The following ARHGEF18 variants were observed in gnomAD, a reference collection of about 807,000 sequenced individuals.
The protein encoded by ARHGEF18 is Rho/Rac guanine nucleotide exchange factor 18.
Under a neutral mutation model 155.7 loss-of-function variants are expected in ARHGEF18, and 93 were observed. The ratio of observed to expected loss-of-function variants is 0.60; its 90% confidence interval spans 0.50 to 0.71. The LOEUF is 0.71. Among genes scored for constraint, ARHGEF18 ranks in the 30% least tolerant of loss-of-function variants. The pLI is 0.00. For missense variants in ARHGEF18, 1,593 were observed against 1,816.1 expected, an observed-to-expected ratio of 0.88 and a Z score of 2.23; for synonymous variants, 742 against 753.1, an observed-to-expected ratio of 0.99 and a Z score of 0.24.
chr19:7,376,797 G>T, intron 5 of ARHGEF18, 40 bp downstream of exon 5: 1 of 1,206,120 alleles, frequency 8.3e-7, no homozygotes, highest in South Asian at 4.2e-5. Flanking sequence ...AACCAAGTCA[G>T]GGAAAGAGGA....
chr19:7,463,565 G>A lies in ARHGEF18; in HGVS notation c.2636-253G>A, dbSNP rs1465760910. On this transcript the variant is annotated intron_variant, in intron 21 of 28. Transcript: ENST00000668164. This position sits in a 1 kb window ranked among gnomAD's most constrained non-coding sequence, Gnocchi z 5.2. ...GAAGGAGCTGCAGGAGCCTGTACCC[G>A]CCCTCCCCATGGCTGCCCCACAGCC... 2.0e-5 allele frequency among the ~76,000 whole-genome samples: 3 copies of A among 152,150 alleles called. No homozygotes were observed. The highest frequency in any genetic ancestry group is 1.9e-4 in the East Asian group (1 of 5,184).
In ARHGEF18 at chr19:7,456,309, T is replaced by C; in HGVS notation, c.2105-18T>C. The C allele has an allele frequency of 6.2e-7, 1 of 1,613,700 alleles. No homozygotes were observed. The highest frequency in any genetic ancestry group is 8.5e-7 in the Non-Finnish European group (1 of 1,179,594). On this transcript the variant is annotated intron_variant, in intron 17 of 28. Coordinates refer to ENST00000668164, the MANE Select transcript of ARHGEF18 (RefSeq NM_001367823.1). ...CTATGGGACTTTTAAGATGCATCCT[T>C]CCATGCTGTTTTCCCAGATATCCTG...
At chr19:7,396,587 C>A (rs555291788) in intron 10 of ARHGEF18, among the ~76,000 whole-genome samples, 1 of 151,896 alleles carries the variant, frequency 6.6e-6, no homozygotes, top group Non-Finnish European at 1.5e-5. Context: ...TGGTAGCGGG[C>A]GCCTGTAGTT....
intron 1 of ARHGEF18, among the ~76,000 whole-genome samples, chr19:7,356,075 A>C (rs1318272246): frequency 6.6e-6 from 1 of 151,922 alleles, no homozygotes; most frequent in Non-Finnish European, 1.5e-5. Flanking sequence ...TCAGGGCAGA[A>C]ACAAAAACGG....
intron 2 of ARHGEF18, among the ~76,000 whole-genome samples, chr19:7,365,342 G>T (rs546885645): frequency 2.9e-4 from 44 of 152,282 alleles, no homozygotes; most frequent in African/African-American, 1.1e-3. Flanking sequence ...CAAGAGAATC[G>T]CTTGAACCCA....
At chr19:7,404,691 C>T (rs1262218801) in intron 10 of ARHGEF18, among the ~76,000 whole-genome samples, 2 of 151,952 alleles carry the variant, frequency 1.3e-5, no homozygotes, top group African/African-American at 4.8e-5. Flanking sequence ...TTAGATAGAT[C>T]GTGGAGCTAA....
rs372663795 is a variant in ARHGEF18 at position 7,373,483 on chromosome 19, GT to G, written c.275+422del. 2.1e-5 allele frequency among the ~76,000 whole-genome samples: 3 copies of G among 140,470 alleles called. No individual in the cohort carries two copies. In the East Asian group the frequency reaches 6.7e-4, roughly 31 times the overall value. 92.2% of individuals were successfully genotyped at this position (140,470 alleles called of 152,430 possible). ...TGTTTGTTTTTTTTTTTTTGTTTTT[GT>G]TTTTTTTTTGAGATGGAGTCTCACT... On this transcript the variant is annotated intron_variant, in intron 3 of 28. Coordinates refer to ENST00000668164, the MANE Select transcript of ARHGEF18 (RefSeq NM_001367823.1).
the ARHGEF18 span, among the ~76,000 whole-genome samples, chr19:7,479,484 A>C: frequency 6.6e-6 from 1 of 152,184 alleles, no homozygotes; most frequent in Non-Finnish European, 1.5e-5. Context: ...ACTGTGTCTC[A>C]AGAAAAGAAT....
At chr19:7,441,359 T>A (rs1397113292) in intron 11 of ARHGEF18, among the ~76,000 whole-genome samples, 3 of 151,970 alleles carry the variant, frequency 2.0e-5, no homozygotes, top group African/African-American at 7.3e-5. Context: ...TTTGTATTTT[T>A]AGCAGAGACG....
intron 14 of ARHGEF18, among the ~76,000 whole-genome samples, chr19:7,445,536 A>G (rs1280533252): frequency 2.0e-5 from 3 of 152,140 alleles, no homozygotes; most frequent in African/African-American, 7.2e-5. Context: ...AGATTTACCC[A>G]GGGGAGCTGT....
At position 7,361,645 on chromosome 19, in the gene ARHGEF18, G is replaced by A. The variant is rs1053724916; in HGVS notation, c.-110-1136G>A. Among the ~76,000 whole-genome samples, 3 of 152,064 alleles carry A rather than the reference G, an allele frequency of 2.0e-5. No homozygotes were observed. The South Asian group carries it at 6.2e-4, about 31-fold the overall frequency. Reference sequence around the variant, plus strand: ...CCCAAATGTCCATCAACAGATCAATGGATACACGAAATGTGGTATCTCCAT... The same window carrying A: ...CCCAAATGTCCATCAACAGATCAATAGATACACGAAATGTGGTATCTCCAT... On this transcript the variant is annotated intron_variant, in intron 1 of 28. Coordinates refer to ENST00000668164, the MANE Select transcript of ARHGEF18 (RefSeq NM_001367823.1).
At chr19:7,383,356 A>ACAGGGATCG (rs1970840581) in intron 10 of ARHGEF18, 153 bp downstream of exon 10, 1 of 807,552 alleles carries the variant, frequency 1.2e-6, no homozygotes, top group African/African-American at 1.8e-5. Context: ...ACCAGGGATC[A>ACAGGGATCG]GTCCCTGGGC....
chr19:7,459,773 C>A, intron 19 of ARHGEF18, 130 bp from the exon 20 acceptor site: 1 of 715,234 alleles, frequency 1.4e-6, no homozygotes, highest in Non-Finnish European at 2.3e-6. Context: ...CGTCCTCCTG[C>A]ACCACGAACA....
intron 10 of ARHGEF18, chr19:7,392,538 G>GA (rs201392177): frequency 0.032 from 4,538 of 140,348 alleles, 83 homozygotes; most frequent in African/African-American, 0.045. Flanking sequence ...TGACTCTACT[G>GA]AAAAAAAAAC....
rs564335525 is a variant in ARHGEF18 at position 7,429,946 on chromosome 19, C to T, written c.968-10398C>T. 1.5e-4 allele frequency among the ~76,000 whole-genome samples: 22 copies of T among 151,020 alleles called. No individual in the cohort carries two copies. The South Asian group carries it at 3.4e-3, about 23-fold the overall frequency. ...CTGGAAGTACTTTTTTTTTTTAAAT[C>T]GACTTGTGCCTCAATATACTTTTTT... On this transcript the variant is annotated intron_variant, in intron 10 of 28. Transcript: ENST00000668164.
intron 10 of ARHGEF18, among the ~76,000 whole-genome samples, chr19:7,385,170 G>A (rs1600248688): frequency 2.0e-5 from 3 of 152,330 alleles, no homozygotes; most frequent in South Asian, 4.1e-4. Flanking sequence ...AGTTGGAAGA[G>A]TAAAGCCAGA....
rs1474777363 is a variant in ARHGEF18 at position 7,470,233 on chromosome 19, C to A, written c.4021C>A (p.Pro1341Thr). The stretch of plus-strand genomic sequence containing the variant: ...CCTGCCCGGGCCCCCAGCTCCCTCG[C>A]CACTGCCGGCCACACCACTCAGCGC... Reference protein sequence around the residue: ...ALLPGPPAPSPLPATPLSAKE... With the variant: ...ALLPGPPAPSTLPATPLSAKE... The change falls in exon 29 of 29, where the codon CCA (proline) becomes ACA (threonine). Residue 1341 changes from proline (P) to threonine (T), a missense_variant. Pro to Thr is a conservative substitution (Grantham distance 38). Coordinates refer to ENST00000668164, the MANE Select transcript of ARHGEF18 (RefSeq NM_001367823.1). The surrounding 1 kb of genome is among the most constrained non-coding windows in gnomAD (Gnocchi z 5.9). 6.2e-7 allele frequency: 1 copy of A among 1,607,114 alleles called. No homozygotes were observed.
intron 10 of ARHGEF18, among the ~76,000 whole-genome samples, chr19:7,410,628 G>A (rs11880237): frequency 0.62 from 93,559 of 151,214 alleles, 29,899 homozygotes; most frequent in East Asian, 0.8. Flanking sequence ...TGGCCAACAC[G>A]GTAAAACCCC....
chr19:7,442,523 C>T (rs936128035), intron 13 of ARHGEF18, among the ~76,000 whole-genome samples: 11 of 149,962 alleles, frequency 7.3e-5, no homozygotes, highest in Non-Finnish European at 1.5e-4. Flanking sequence ...GCGTGAGCCA[C>T]GGTGCCTGGC....
Sources: allele counts gnomAD v4.1 joint callset (sites outside exome capture counted in the v4.1 genomes callset), GRCh38; gene constraint gnomAD v4.1.1; non-coding constraint Gnocchi (gnomAD v3.1); transcripts MANE v1.5; gene names NCBI Gene and HGNC (gene_info 2026-07-23, HGNC 2026-07-21).